Variants in CCBE1 observed in about 807,000 individuals in gnomAD.
The protein encoded by CCBE1 is collagen and calcium-binding EGF domain-containing protein 1.
In CCBE1, 37 loss-of-function variants were observed where a neutral mutation model predicts 50.0. That is an observed-to-expected ratio of 0.74 (90% CI 0.57 to 0.97). The LOEUF is 0.97. CCBE1 is among the 50% of genes least tolerant of loss of function. The pLI is 0.00. For synonymous variants in CCBE1, 234 were observed against 203.7 expected (o/e 1.15, Z -1.27); for missense variants, 538 against 523.8 (o/e 1.03, Z -0.26).
intron 2 of CCBE1, among the ~76,000 whole-genome samples, chr18:59,559,632 G>C (rs2052706145): frequency 6.6e-6 from 1 of 152,198 alleles, no homozygotes; most frequent in South Asian, 2.1e-4. Flanking sequence ...AAGGTCCTTG[G>C]CTTGGGGGAC....
chr18:59,562,023 A>C (rs1258494672), intron 2 of CCBE1, among the ~76,000 whole-genome samples: 1 of 152,220 alleles, frequency 6.6e-6, no homozygotes, highest in African/African-American at 2.4e-5. Context: ...GAATCCCCAG[A>C]TCTAACAAGT....
At chr18:59,596,813 C>T (rs1333765405) in intron 2 of CCBE1, among the ~76,000 whole-genome samples, 1 of 152,200 alleles carries the variant, frequency 6.6e-6, no homozygotes, top group Non-Finnish European at 1.5e-5. Context: ...GGCTAATGAG[C>T]ATCACGTCGT....
chr18:59,546,316 C>G (rs547322376), intron 2 of CCBE1, among the ~76,000 whole-genome samples: 2 of 152,234 alleles, frequency 1.3e-5, no homozygotes, highest in Non-Finnish European at 2.9e-5. Context: ...GGGGGCTTCC[C>G]ATGAATCACC....
At chr18:59,576,333 A>G (rs1164202328) in intron 2 of CCBE1, among the ~76,000 whole-genome samples, 4 of 152,242 alleles carry the variant, frequency 2.6e-5, no homozygotes, top group Non-Finnish European at 4.4e-5. Flanking sequence ...ATTGAACTTC[A>G]TAAGAGAATA....
At chr18:59,499,537 G>T (rs8092055) in intron 2 of CCBE1, among the ~76,000 whole-genome samples, 4 of 152,108 alleles carry the variant, frequency 2.6e-5, no homozygotes, top group African/African-American at 9.7e-5. Context: ...TTACATGGAC[G>T]GCAACAGGCA....
At chr18:59,658,357 ATATATATATATATATATATATAT>A (rs1568258532) in intron 2 of CCBE1, among the ~76,000 whole-genome samples, 2 of 1,568 alleles carry the variant, frequency 1.3e-3, no homozygotes, top group East Asian at 0.045. Flanking sequence ...AAAAAAAAAT[ATATATATATATATATATATATAT>A]ATATATATAT....
intron 2 of CCBE1, chr18:59,688,091 G>T (rs2054681251): frequency 6.6e-6 from 1 of 152,080 alleles, no homozygotes; most frequent in South Asian, 2.1e-4. Context: ...AATGAAAATG[G>T]CTTTTTTTCC....
chr18:59,599,007 C>T (rs188573816), intron 2 of CCBE1, among the ~76,000 whole-genome samples: 13 of 152,202 alleles, frequency 8.5e-5, no homozygotes, highest in Non-Finnish European at 1.3e-4. Context: ...CAGCCATGGC[C>T]GATATCAGAC....
At chr18:59,669,602 A>G (rs547007248) in intron 2 of CCBE1, among the ~76,000 whole-genome samples, 7 of 152,264 alleles carry the variant, frequency 4.6e-5, no homozygotes, top group African/African-American at 1.7e-4. Context: ...GGCTGCAAGA[A>G]AGCTGCTTTC....
intron 2 of CCBE1, among the ~76,000 whole-genome samples, chr18:59,630,297 T>G (rs1456689758): frequency 1.3e-5 from 2 of 152,220 alleles, no homozygotes; most frequent in African/African-American, 4.8e-5. Flanking sequence ...TCATTTAATC[T>G]TCCTTCATAA....
intron 6 of CCBE1, among the ~76,000 whole-genome samples, chr18:59,449,140 C>T (rs951988070): frequency 6.6e-6 from 1 of 152,194 alleles, no homozygotes; most frequent in African/African-American, 2.4e-5. Context: ...ATAAGGCAGA[C>T]TTACCTTTAA....
At chr18:59,500,389 C>A (rs1568173276) in intron 2 of CCBE1, among the ~76,000 whole-genome samples, 1 of 152,188 alleles carries the variant, frequency 6.6e-6, no homozygotes, top group East Asian at 1.9e-4. Flanking sequence ...GAAGGGCAGG[C>A]AGGTCTTGGC....
At chr18:59,658,983 A>G (rs1397717474) in intron 2 of CCBE1, among the ~76,000 whole-genome samples, 1 of 152,036 alleles carries the variant, frequency 6.6e-6, no homozygotes, top group Non-Finnish European at 1.5e-5. Flanking sequence ...AGGGTTCCAT[A>G]ATCAGAAAAG....
intron 2 of CCBE1, among the ~76,000 whole-genome samples, chr18:59,584,282 T>C (rs1391199062): frequency 7.1e-6 from 1 of 140,350 alleles, no homozygotes; most frequent in Non-Finnish European, 1.5e-5. Context: ...TTCTCACTCA[T>C]AGATGGGAAT....
chr18:59,614,215 G>A (rs149839650), intron 2 of CCBE1, among the ~76,000 whole-genome samples: 15 of 152,180 alleles, frequency 9.9e-5, no homozygotes, highest in South Asian at 6.2e-4. Context: ...ATGCCGGCCC[G>A]GCTCAAACTC....
At chr18:59,474,518 G>A (rs371683436) in intron 3 of CCBE1, among the ~76,000 whole-genome samples, 9 of 152,312 alleles carry the variant, frequency 5.9e-5, no homozygotes, top group South Asian at 2.1e-4. Context: ...TGGAACTCAA[G>A]TGAAGGGAGA....
intron 2 of CCBE1, among the ~76,000 whole-genome samples, chr18:59,580,564 C>T (rs146757371): frequency 3.8e-3 from 573 of 152,258 alleles, no homozygotes; most frequent in Non-Finnish European, 6.7e-3. Flanking sequence ...AATCGAAGGT[C>T]TCAGGGTTAG....
In CCBE1 at chr18:59,504,266, AC is replaced by A. The variant is rs1312364018; in HGVS notation, c.213-24029del. On this transcript the variant is annotated intron_variant, in intron 2 of 10. Transcript: ENST00000439986. ...CCCAAGAAAATAGATTTTTTAAATT[AC>A]ACTCTAGCTATACACATTTTCTTGA... Among the ~76,000 whole-genome samples, 6 of 152,314 alleles carry A rather than the reference AC, an allele frequency of 3.9e-5. No individual in the cohort carries two copies. The East Asian group carries it at 1.2e-3, about 29-fold the overall frequency.
rs942332331 is a variant in CCBE1, at chr18:59,433,531, T to C, written c.*2377A>G. ...AGAAGGGAAGGAAGACTGTTGCCAC[T>C]AGAGGTTTGCAAAGCCCCTTCCTAA... On this transcript the variant is annotated 3_prime_UTR_variant, in exon 11 of 11. Transcript: ENST00000439986. The C allele has an allele frequency of 6.6e-6, 1 of 152,044 alleles. No individual in the cohort carries two copies. Among genetic ancestry groups the C allele is most frequent in the African/African-American group, 2.4e-5 (1 of 41,392 alleles). The allele number at this position is 152,044 out of a possible 1,614,324, so 9.4% of individuals were successfully genotyped here.
Sources: allele counts gnomAD v4.1 joint callset (sites outside exome capture counted in the v4.1 genomes callset), GRCh38; gene constraint gnomAD v4.1.1; transcripts MANE v1.5; gene names NCBI Gene and HGNC (gene_info 2026-07-23, HGNC 2026-07-21).